MTHFS: variants seen among roughly 807,000 people sequenced by gnomAD.
MTHFS encodes methenyltetrahydrofolate synthetase.
Under a neutral mutation model 12.7 loss-of-function variants are expected in MTHFS, and 7 were observed. The ratio of observed to expected loss-of-function variants is 0.55; its 90% CI spans 0.31 to 1.03. MTHFS has a LOEUF of 1.03. Among genes scored for constraint, MTHFS ranks in the 50% least tolerant of loss-of-function variants. The pLI is 0.05. For synonymous variants in MTHFS, 100 were observed against 97.1 expected (o/e 1.03, Z -0.18); for missense variants, 252 against 258.1 (o/e 0.98, Z 0.16).
chr15:79,848,979 C>G (rs2033665999), intron 2 of MTHFS, among the ~76,000 whole-genome samples: 1 of 151,918 alleles, frequency 6.6e-6, no homozygotes, highest in Non-Finnish European at 1.5e-5. Flanking sequence ...AAATTTGGCT[C>G]AAAGAGGCAA....
chr15:79,875,808 A>G (rs2034185021), intron 2 of MTHFS: 1 of 152,142 alleles, frequency 6.6e-6, no homozygotes, highest in African/African-American at 2.4e-5. Flanking sequence ...TGCAAATCAC[A>G]TATCTGACAA....
At chr15:79,869,605 T>C (rs1279152830) in intron 2 of MTHFS, among the ~76,000 whole-genome samples, 1 of 152,072 alleles carries the variant, frequency 6.6e-6, no homozygotes, top group Non-Finnish European at 1.5e-5. Context: ...CAGCTAATTT[T>C]AAATATTTTG....
intron 1 of MTHFS, among the ~76,000 whole-genome samples, chr15:79,894,168 AG>A (rs1286682696): frequency 1.3e-5 from 2 of 152,160 alleles, no homozygotes; most frequent in Non-Finnish European, 2.9e-5. Flanking sequence ...GAAGATCACG[AG>A]GTCGAGTTCG....
chr15:79,848,055 C>T (rs888580242), intron 2 of MTHFS, among the ~76,000 whole-genome samples: 13 of 152,194 alleles, frequency 8.5e-5, no homozygotes, highest in African/African-American at 2.9e-4. Flanking sequence ...TGCACTCCCA[C>T]GTTCATTGCA....
chr15:79,867,324 A>C (rs1000675438), intron 2 of MTHFS, among the ~76,000 whole-genome samples: 1 of 151,712 alleles, frequency 6.6e-6, no homozygotes, highest in Non-Finnish European at 1.5e-5. Flanking sequence ...CCAAACTCTC[A>C]GTGGAGTAAA....
At chr15:79,850,887 T>C (rs2033706033) in intron 2 of MTHFS, among the ~76,000 whole-genome samples, 1 of 152,172 alleles carries the variant, frequency 6.6e-6, no homozygotes, top group Non-Finnish European at 1.5e-5. Flanking sequence ...AGGATTCAGT[T>C]CACCGTACAA....
intron 2 of MTHFS, among the ~76,000 whole-genome samples, chr15:79,875,324 A>C (rs2034175520): frequency 6.6e-6 from 1 of 152,086 alleles, no homozygotes; most frequent in African/African-American, 2.4e-5. Flanking sequence ...TAAGATTAAC[A>C]GCTGAATTGT....
Position 79,889,196 on chromosome 15 carries a change from C to A in MTHFS, c.276G>T (p.Met92Ile). ...TTTCCTCTGGTGATTCTATTCTCAC[C>A]ATATCCATGTGATTGCTCTGGAACC... The part of the protein sequence containing the change: ...RYRFQSNHMD[M>I]VRIESPEEIS... The change falls in exon 2 of 3, where the codon ATG becomes ATT. Residue 92 changes from methionine to isoleucine, a missense_variant. Transcript: ENST00000258874. 4 of 1,614,138 alleles carry A rather than the reference C, an allele frequency of 2.5e-6. No individual in the cohort carries two copies. The highest frequency in any genetic ancestry group is 3.4e-6 in the Non-Finnish European group (4 of 1,180,020).
chr15:79,891,663 C>T (rs111570849), intron 1 of MTHFS, among the ~76,000 whole-genome samples: 4 of 152,058 alleles, frequency 2.6e-5, no homozygotes, highest in African/African-American at 9.6e-5. Context: ...TCCAAAAAGG[C>T]ACAAAGGAAA....
chr15:79,883,985 T>A (rs991988494), intron 2 of MTHFS, among the ~76,000 whole-genome samples: 2 of 152,214 alleles, frequency 1.3e-5, no homozygotes, highest in African/African-American at 4.8e-5. Flanking sequence ...CCACTCAACA[T>A]CAGCAAAAAC....
chr15:79,886,943 C>G (rs1566998121), intron 2 of MTHFS, among the ~76,000 whole-genome samples: 1 of 152,010 alleles, frequency 6.6e-6, no homozygotes, highest in South Asian at 2.1e-4. Flanking sequence ...AAATGACATG[C>G]TAAAAACCAT....
At chr15:79,890,370 G>A (rs146041350) in intron 1 of MTHFS, among the ~76,000 whole-genome samples, 1 of 152,000 alleles carries the variant, frequency 6.6e-6, no homozygotes, top group Non-Finnish European at 1.5e-5. Context: ...TGGGACCACA[G>A]GTGCAAACCA....
chr15:79,885,449 C>T (rs1298241306), intron 2 of MTHFS, among the ~76,000 whole-genome samples: 1 of 152,212 alleles, frequency 6.6e-6, no homozygotes, highest in Non-Finnish European at 1.5e-5. Flanking sequence ...AGTTTTGACT[C>T]TCCAGTATCC....
intron 2 of MTHFS, among the ~76,000 whole-genome samples, chr15:79,886,312 C>G (rs1026868168): frequency 3.9e-5 from 6 of 152,308 alleles, no homozygotes; most frequent in South Asian, 2.1e-4. Flanking sequence ...GTTGCTGATG[C>G]AAGTAAAAAT....
chr15:79,896,082 G>A, intron 1 of MTHFS, among the ~76,000 whole-genome samples: 1 of 152,242 alleles, frequency 6.6e-6, no homozygotes, highest in Non-Finnish European at 1.5e-5. Context: ...ACATAGCAGT[G>A]CAGTTGGTGA....
chr15:79,858,333 T>G (rs1420994519), intron 2 of MTHFS, among the ~76,000 whole-genome samples: 1 of 152,294 alleles, frequency 6.6e-6, no homozygotes. Context: ...AGGAAGGAAG[T>G]TGTATTCCCT....
intron 2 of MTHFS, among the ~76,000 whole-genome samples, chr15:79,851,317 T>A (rs2033713495): frequency 6.6e-6 from 1 of 152,160 alleles, no homozygotes; most frequent in Non-Finnish European, 1.5e-5. Context: ...GGAACAGAGC[T>A]TTTGTCTTTC....
At chr15:79,888,380 A>G (rs999120847) in intron 2 of MTHFS, among the ~76,000 whole-genome samples, 14 of 152,236 alleles carry the variant, frequency 9.2e-5, no homozygotes, top group Admixed American at 9.2e-4. Context: ...TAAGTCACAG[A>G]AAGATTTTAA....
intron 1 of MTHFS, among the ~76,000 whole-genome samples, chr15:79,890,171 C>G (rs1194971577): frequency 2.7e-5 from 4 of 150,406 alleles, no homozygotes; most frequent in Non-Finnish European, 5.9e-5. Flanking sequence ...AGGAACTTAT[C>G]CACACTCAGA....
Sources: gnomAD v4.1 joint callset for allele counts (sites outside exome capture counted in the v4.1 genomes callset) on GRCh38, gnomAD v4.1.1 for gene constraint, MANE v1.5 for transcripts, NCBI Gene and HGNC (gene_info 2026-07-23, HGNC 2026-07-21) for gene names.